Variants in GNB5 observed in about 807,000 individuals in gnomAD.
GNB5 encodes the protein G protein subunit beta 5, also known as guanine nucleotide-binding protein subunit beta-5.
Under a neutral mutation model 55.3 loss-of-function variants are expected in GNB5, and 37 were observed. The observed-to-expected ratio is 0.67, with a 90% CI of 0.51 to 0.88. GNB5 has a LOEUF of 0.88. Ranked by LOEUF, GNB5 falls within the 40% of genes least tolerant of loss-of-function variation. GNB5 has a pLI of 0.00. For synonymous variants in GNB5, 219 were observed against 198.5 expected (o/e 1.10, Z -0.87); for missense variants, 476 against 515.3 (o/e 0.92, Z 0.74).
rs113057185 is a variant in GNB5, at chr15:52,188,827, A to G, written c.-19+2495T>C. ...AAAGAACCAGTACCAAAGATGAAAA[A>G]GTAAAACTTGAATCCCCCATCACAT... On this transcript the variant is annotated intron_variant, in intron 1 of 12. Transcript: ENST00000261837. Among the ~76,000 whole-genome samples the G allele has an allele frequency of 1.1e-3, 164 of 152,372 alleles. 1 individual carries two copies. The highest frequency in any genetic ancestry group is 2.0e-3 in the Admixed American group (31 of 15,314).
At chr15:52,123,731 CAG>C (rs2033338030) in intron 12 of GNB5, 1 of 151,908 alleles carries the variant, frequency 6.6e-6, no homozygotes, top group Non-Finnish European at 1.5e-5. Flanking sequence ...TTAGTAGAGA[CAG>C]GGTTTCACCA....
At chr15:52,166,576 G>T (rs2034455694) in intron 3 of GNB5, among the ~76,000 whole-genome samples, 1 of 152,192 alleles carries the variant, frequency 6.6e-6, no homozygotes, top group Non-Finnish European at 1.5e-5. Flanking sequence ...ACCTGTTCCT[G>T]AATGACTCCT....
chr15:52,149,672 C>A, intron 5 of GNB5: 1 of 631,542 alleles, frequency 1.6e-6, no homozygotes, highest in South Asian at 1.9e-5. Context: ...CTCTAATTGT[C>A]CTCTTGGGGC....
intron 5 of GNB5, 48 bp from the exon 6 acceptor site, chr15:52,147,583 T>C: frequency 2.1e-6 from 1 of 475,544 alleles, no homozygotes; most frequent in Middle Eastern, 3.7e-4. Context: ...CACAAAAATC[T>C]TTTTTTTTTT....
chr15:52,189,001 G>T (rs1331199815), intron 1 of GNB5, among the ~76,000 whole-genome samples: 1 of 152,124 alleles, frequency 6.6e-6, no homozygotes, highest in Non-Finnish European at 1.5e-5. Flanking sequence ...GATCAACCTT[G>T]TTTGGTAATA....
chr15:52,119,950 G>A lies in GNB5; in HGVS notation c.*2807C>T, dbSNP rs1209267103. The A allele has an allele frequency of 1.3e-5, 2 of 152,406 alleles. No individual in the cohort carries two copies. The highest frequency in any genetic ancestry group is 6.5e-5 in the Admixed American group (1 of 15,286). 9.4% of individuals were successfully genotyped at this position (152,406 alleles called of 1,614,324 possible). A position where few individuals can be genotyped will look rare whatever the true frequency, so the allele number is the denominator to read the frequency against. ...GAGGTAGAAGAGCGGGAAGAGGGCA[G>A]TGGCAACGGGATGCCCACCTCTGGC... On this transcript the variant is annotated 3_prime_UTR_variant, in exon 13 of 13. Transcript: ENST00000261837.
At chr15:52,151,909 T>C (rs1239778923) in intron 4 of GNB5, among the ~76,000 whole-genome samples, 1 of 151,790 alleles carries the variant, frequency 6.6e-6, no homozygotes, top group East Asian at 1.9e-4. Context: ...AAGTCAAGGC[T>C]GAAGTGAGCT....
At position 52,144,860 on chromosome 15, in the gene GNB5, G is replaced by A. The variant is rs146263025; in HGVS notation, c.494+2599C>T. Among the ~76,000 whole-genome samples the A allele has an allele frequency of 4.8e-3, 724 of 152,268 alleles. 17 individuals carry two copies. Among genetic ancestry groups the A allele is most frequent in the East Asian group, 0.025 (128 of 5,184 alleles). On this transcript the variant is annotated intron_variant, in intron 6 of 12. Transcript: ENST00000261837. ...ACCGTGGCCAAGAGGAAACAACGCCGTCAGTGACCACACCAGGGAGACGAT... is the reference window on the plus strand; with the variant it reads ...ACCGTGGCCAAGAGGAAACAACGCCATCAGTGACCACACCAGGGAGACGAT...
intron 4 of GNB5, among the ~76,000 whole-genome samples, chr15:52,152,172 C>T (rs537738183): frequency 6.6e-6 from 1 of 150,566 alleles, no homozygotes; most frequent in Admixed American, 6.7e-5. Flanking sequence ...AAAACTGACA[C>T]AGACGTTACA....
chr15:52,153,829 T>G lies in GNB5; in HGVS notation c.375+111A>C, dbSNP rs1299344210. The stretch of plus-strand genomic sequence containing the variant: ...ATGCTAAATCACATCCTTTGGAGAA[T>G]GAGCAAAGTCACAAAGATCAGAAAA... On this transcript the variant is annotated intron_variant, in intron 4 of 12. Transcript: ENST00000261837. 9.1e-6 allele frequency: 8 copies of G among 877,786 alleles called. No individual in the cohort carries two copies. The Admixed American group carries it at 9.2e-5, about 10-fold the overall frequency. 54.4% of individuals were successfully genotyped at this position (877,786 alleles called of 1,614,324 possible).
At chr15:52,133,353 T>C in intron 9 of GNB5, 25 bp downstream of exon 9, 4 of 1,435,078 alleles carry the variant, frequency 2.8e-6, no homozygotes, top group Non-Finnish European at 3.9e-6. Context: ...AACAGAGAGG[T>C]GGCATGAACA....
intron 3 of GNB5, among the ~76,000 whole-genome samples, chr15:52,155,393 TC>T (rs2141216601): frequency 6.6e-6 from 1 of 152,258 alleles, no homozygotes; most frequent in East Asian, 1.9e-4. Context: ...GACAGCAGCG[TC>T]CCTTCCTGGG....
chr15:52,126,785 T>C (rs1001524711), intron 10 of GNB5, among the ~76,000 whole-genome samples: 18 of 151,882 alleles, frequency 1.2e-4, no homozygotes, highest in African/African-American at 4.1e-4. Context: ...AGATCAGAAG[T>C]AGAGATGTTT....
chr15:52,125,874 G>C, intron 11 of GNB5, 74 bp downstream of exon 11: 1 of 697,882 alleles, frequency 1.4e-6, no homozygotes, highest in Non-Finnish European at 2.6e-6. Flanking sequence ...AAGGAACTGA[G>C]CGATGATGGA....
chr15:52,134,418 C>T (rs1251433193), intron 8 of GNB5, among the ~76,000 whole-genome samples: 2 of 151,810 alleles, frequency 1.3e-5, no homozygotes, highest in East Asian at 1.9e-4. Flanking sequence ...TTCAGCATCC[C>T]GAGTGTCTTT....
intron 1 of GNB5, among the ~76,000 whole-genome samples, chr15:52,187,509 A>G (rs1566952860): frequency 6.6e-6 from 1 of 152,210 alleles, no homozygotes; most frequent in East Asian, 1.9e-4. Flanking sequence ...GGAGGAATAG[A>G]AGGATGGCTG....
At position 52,116,929 on chromosome 15, in the gene GNB5, TC is replaced by T. The variant is rs1360206477; in HGVS notation, c.*5827del. ...AAACCTTTGTTTTTCTTTTTTTTTT[TC>T]TTTGTTTTTTTGAGTCAGAGTCTCG... On this transcript the variant is annotated 3_prime_UTR_variant, in exon 13 of 13. Coordinates refer to ENST00000261837, the MANE Select transcript of GNB5 (RefSeq NM_016194.4). The T allele has an allele frequency of 1.3e-5, 2 of 148,192 alleles. No individual in the cohort carries two copies. Among genetic ancestry groups the T allele is most frequent in the African/African-American group, 5.2e-5 (2 of 38,626 alleles). 9.2% of individuals were successfully genotyped at this position (148,192 alleles called of 1,614,324 possible).
At chr15:52,168,613 A>G (rs976103771) in intron 3 of GNB5, among the ~76,000 whole-genome samples, 3 of 152,240 alleles carry the variant, frequency 2.0e-5, no homozygotes, top group Admixed American at 6.5e-5. Flanking sequence ...ATAGGAAAAA[A>G]AACTATTTTA....
chr15:52,155,002 G>A (rs2034177623), intron 3 of GNB5, among the ~76,000 whole-genome samples: 1 of 152,180 alleles, frequency 6.6e-6, no homozygotes, highest in Admixed American at 6.5e-5. Flanking sequence ...TGGCTGGAAA[G>A]CCACAAAGAC....
Sources: gnomAD v4.1 joint callset for allele counts (sites outside exome capture counted in the v4.1 genomes callset) on GRCh38, gnomAD v4.1.1 for gene constraint, MANE v1.5 for transcripts, NCBI Gene and HGNC (gene_info 2026-07-23, HGNC 2026-07-21) for gene names.